The following NPTX2 variants were observed in gnomAD, a reference collection of about 807,000 sequenced individuals.
NPTX2 encodes the protein neuronal pentraxin-2.
In NPTX2, 23 loss-of-function variants were observed where a neutral mutation model predicts 38.1. The ratio of observed to expected loss-of-function variants is 0.60; its 90% CI spans 0.43 to 0.85. The LOEUF (loss-of-function observed/expected upper bound fraction) is 0.85. Among genes scored for constraint, NPTX2 ranks in the 40% least tolerant of loss-of-function variants. NPTX2 has a pLI of 0.00. For synonymous variants in NPTX2, 291 were observed against 287.3 expected (o/e 1.01, Z -0.13); for missense variants, 553 against 615.3 (o/e 0.90, Z 1.07).
At chr7:98,627,486 C>T (rs1791372064) in intron 4 of NPTX2, 142 bp downstream of exon 4, 1 of 700,236 alleles carries the variant, frequency 1.4e-6, no homozygotes, top group African/African-American at 1.8e-5. Context: ...GCTCCCGGCC[C>T]CAGCTGTTGG....
chr7:98,627,188 C>G lies in NPTX2; in HGVS notation c.912C>G (p.Val304=), dbSNP rs1791364462. The G allele has an allele frequency of 6.2e-7, 1 of 1,613,618 alleles. No individual in the cohort carries two copies. Among genetic ancestry groups the G allele is most frequent in the Admixed American group, 1.7e-5 (1 of 60,016 alleles). The change falls in exon 4 of 5, where the codon GTC becomes GTG. Residue 304 remains valine (V), a synonymous_variant. Transcript: ENST00000265634. ...AGGTTGCGCAGCTGCCCCTGTTTGT[C>G]AGTGACGGCAAGTGGCACCACATCT... The part of the protein sequence containing the change: ...NDKVAQLPLF[V]SDGKWHHICV...
intron 2 of NPTX2, among the ~76,000 whole-genome samples, chr7:98,624,165 C>T (rs1315625884): frequency 6.6e-6 from 1 of 152,150 alleles, no homozygotes; most frequent in Non-Finnish European, 1.5e-5. Flanking sequence ...CTGTATTGCC[C>T]AGGCTGTTCT....
At chr7:98,625,276 C>G in intron 3 of NPTX2, 110 bp downstream of exon 3, 2 of 1,392,516 alleles carry the variant, frequency 1.4e-6, no homozygotes, top group Non-Finnish European at 1.9e-6. Context: ...AGCAGTGTCC[C>G]AGACATGGGA....
intron 3 of NPTX2, among the ~76,000 whole-genome samples, chr7:98,626,229 G>A (rs1172127578): frequency 1.3e-5 from 2 of 150,920 alleles, no homozygotes; most frequent in Admixed American, 1.3e-4. Context: ...TCATTCTAAT[G>A]GCAGACTCCA....
chr7:98,617,622 G>C lies in NPTX2; in HGVS notation c.161G>C (p.Ser54Thr). The change falls in exon 1 of 5, where the codon AGT becomes ACT. Residue 54 changes from serine to threonine, a missense_variant. By Grantham distance (58) the Ser-to-Thr change is moderately conservative (BLOSUM62 1). Coordinates refer to ENST00000265634, the MANE Select transcript of NPTX2 (RefSeq NM_002523.3). ...ATGCCCATGCAGGGCGGCGCGCAGA[G>C]TCCCGAGGAGGAGCTGAGGGCCGCG... ...PAMPMQGGAQ[S>T]PEEELRAAVL... 2 of 1,491,394 alleles carry C rather than the reference G, an allele frequency of 1.3e-6. No homozygotes were observed. The highest frequency in any genetic ancestry group is 1.8e-6 in the Non-Finnish European group (2 of 1,128,780). 92.4% of individuals were successfully genotyped at this position (1,491,394 alleles called of 1,614,324 possible). A position where few individuals can be genotyped will look rare whatever the true frequency, so the allele number is the denominator to read the frequency against.
At chr7:98,627,460 G>A (rs1791371539) in intron 4 of NPTX2, 116 bp downstream of exon 4, 9 of 803,708 alleles carry the variant, frequency 1.1e-5, no homozygotes, top group Non-Finnish European at 1.8e-5. Flanking sequence ...ACGAGGCCAG[G>A]CCTGCAGCTG....
In NPTX2 at chr7:98,628,602, G is replaced by A. The variant is rs748811932; in HGVS notation, c.1269G>A (p.Thr423=). The A allele has an allele frequency of 3.5e-5, 56 of 1,578,256 alleles. No individual in the cohort carries two copies. The highest frequency in any genetic ancestry group is 1.6e-4 in the Admixed American group (9 of 57,978). The change falls in exon 5 of 5, where the codon ACG becomes ACA. Residue 423 remains threonine, a synonymous_variant. Transcript: ENST00000265634. The part of the protein sequence containing the change: ...FGGASKWPVE[T]CEERLLDL ...GGGCCTCCAAGTGGCCCGTGGAGAC[G>A]TGTGAGGAGCGTCTCCTTGACTTGT...
chr7:98,620,975 T>G (rs1791261407), intron 2 of NPTX2, among the ~76,000 whole-genome samples: 1 of 152,054 alleles, frequency 6.6e-6, no homozygotes, highest in Non-Finnish European at 1.5e-5. Context: ...CTCAGACTCC[T>G]GGTATGCCCG....
chr7:98,619,616 C>G (rs1791238914), intron 1 of NPTX2, 27 bp from the exon 2 acceptor site: 2 of 1,582,414 alleles, frequency 1.3e-6, no homozygotes, highest in African/African-American at 2.7e-5. Context: ...CTTTCTGTGC[C>G]CCTCCCTCCT....
intron 4 of NPTX2, among the ~76,000 whole-genome samples, chr7:98,627,601 C>T (rs763110193): frequency 6.6e-6 from 1 of 152,128 alleles, no homozygotes; most frequent in African/African-American, 2.4e-5. Flanking sequence ...CGTGGGGTCA[C>T]GGCCTGCATG....
intron 4 of NPTX2, among the ~76,000 whole-genome samples, chr7:98,627,835 C>G (rs1207402314): frequency 6.6e-6 from 1 of 151,832 alleles, no homozygotes; most frequent in South Asian, 2.1e-4. Context: ...AACCCTGATA[C>G]CCAGCAAGGG....
intron 1 of NPTX2, among the ~76,000 whole-genome samples, chr7:98,618,595 TCC>T (rs1221869556): frequency 6.5e-4 from 19 of 29,120 alleles, no homozygotes; most frequent in African/African-American, 1.6e-3. Flanking sequence ...TCCCCCTCCG[TCC>T]CCCCCCCCCG....
chr7:98,617,422 C>A lies in NPTX2; in HGVS notation c.-40C>A, dbSNP rs1461218986. On this transcript the variant is annotated 5_prime_UTR_variant, in exon 1 of 5. Transcript: ENST00000265634. ...TCCCGCGGAGCGCCCCGACGGCGCC[C>A]GCTCGCCCATGCCGAGCTGAGCGCG... The A allele has an allele frequency of 1.4e-6, 1 of 704,288 alleles. No individual in the cohort carries two copies. The highest frequency in any genetic ancestry group is 6.9e-5 in the South Asian group (1 of 14,408). 43.6% of individuals were successfully genotyped at this position (704,288 alleles called of 1,614,324 possible).
intron 1 of NPTX2, among the ~76,000 whole-genome samples, chr7:98,618,602 C>G (rs967604054): frequency 2.5e-5 from 3 of 120,068 alleles, no homozygotes; most frequent in South Asian, 3.7e-4. Flanking sequence ...CCGTCCCCCC[C>G]CCCCGCCCCC....
At chr7:98,624,258 A>G (rs1584142373) in intron 2 of NPTX2, among the ~76,000 whole-genome samples, 1 of 152,154 alleles carries the variant, frequency 6.6e-6, no homozygotes, top group African/African-American at 2.4e-5. Context: ...CACTTGGCTA[A>G]TTTTTTAAAT....
intron 1 of NPTX2, 138 bp from the exon 2 acceptor site, chr7:98,619,505 C>T: frequency 3.0e-6 from 2 of 673,160 alleles, no homozygotes; most frequent in Non-Finnish European, 5.3e-6. Flanking sequence ...CAGTGAGATG[C>T]TCCCCTGCCT....
intron 2 of NPTX2, among the ~76,000 whole-genome samples, chr7:98,620,747 C>T (rs1791257830): frequency 6.6e-6 from 1 of 152,032 alleles, no homozygotes. Flanking sequence ...TCCGTGGACC[C>T]AGCCTGAGCC....
At chr7:98,627,703 G>C (rs1021081759) in intron 4 of NPTX2, among the ~76,000 whole-genome samples, 1 of 152,168 alleles carries the variant, frequency 6.6e-6, no homozygotes, top group Non-Finnish European at 1.5e-5. Context: ...GGGTCATCTC[G>C]TGACACAGGC....
Position 98,617,604 on chromosome 7 carries a change from T to C in NPTX2, c.143T>C (p.Met48Thr). Residue 48 changes from methionine (M) to threonine (T), a missense_variant, in exon 1 of 5, where the codon ATG becomes ACG. Transcript: ENST00000265634. ...HAGCPLPAMPMQGGAQSPEEE... is the reference protein window; with the variant it reads ...HAGCPLPAMPTQGGAQSPEEE... ...GGCTGCCCGCTGCCCGCGATGCCCATGCAGGGCGGCGCGCAGAGTCCCGAG... is the reference window on the plus strand; with the variant it reads ...GGCTGCCCGCTGCCCGCGATGCCCACGCAGGGCGGCGCGCAGAGTCCCGAG... The C allele has an allele frequency of 1.3e-6, 2 of 1,489,604 alleles. No individual in the cohort carries two copies. Among genetic ancestry groups the C allele is most frequent in the Non-Finnish European group, 1.8e-6 (2 of 1,127,392 alleles). The allele number at this position is 1,489,604 out of a possible 1,614,324, so 92.3% of individuals were successfully genotyped here.
Sources: allele counts gnomAD v4.1 joint callset (sites outside exome capture counted in the v4.1 genomes callset), GRCh38; gene constraint gnomAD v4.1.1; transcripts MANE v1.5; gene names NCBI Gene and HGNC (gene_info 2026-07-23, HGNC 2026-07-21).